The following SYT14 variants were observed in gnomAD, a reference collection of about 807,000 sequenced individuals.
The protein encoded by SYT14 is synaptotagmin-14.
Under a neutral mutation model 74.2 loss-of-function variants are expected in SYT14, and 32 were observed. That is an observed-to-expected ratio of 0.43 (90% CI 0.33 to 0.58). The LOEUF is 0.58. Ranked by LOEUF, SYT14 falls within the 20% of genes least tolerant of loss-of-function variation. The pLI is 0.05. For synonymous variants in SYT14, 298 were observed against 337.7 expected (o/e 0.88, Z 1.29); for missense variants, 791 against 981.8 (o/e 0.81, Z 2.60).
intron 7 of SYT14, among the ~76,000 whole-genome samples, chr1:210,108,598 A>G (rs533026374): frequency 4.6e-5 from 7 of 152,090 alleles, no homozygotes; most frequent in African/African-American, 1.7e-4. Flanking sequence ...AGCCTTGGGC[A>G]TGTTTAAATA....
chr1:209,979,332 C>T (rs531209223), intron 2 of SYT14, among the ~76,000 whole-genome samples: 6 of 152,284 alleles, frequency 3.9e-5, no homozygotes, highest in African/African-American at 1.2e-4. Context: ...TGTTCCTATT[C>T]GGCCATCTTG....
intron 2 of SYT14, among the ~76,000 whole-genome samples, chr1:209,973,756 T>C (rs1412609417): frequency 2.0e-5 from 3 of 152,220 alleles, no homozygotes; most frequent in East Asian, 1.9e-4. Context: ...AAATGGTATT[T>C]CTAGTTCTAG....
intron 6 of SYT14, among the ~76,000 whole-genome samples, chr1:210,098,382 G>T (rs148507230): frequency 6.6e-6 from 1 of 152,232 alleles, no homozygotes; most frequent in Non-Finnish European, 1.5e-5. Flanking sequence ...TAACAACAGT[G>T]CAGGGTGAGC....
At chr1:209,990,548 T>TATATATATATATAC (rs59238920) in intron 2 of SYT14, among the ~76,000 whole-genome samples, 1 of 68,050 alleles carries the variant, frequency 1.5e-5, no homozygotes. Context: ...CGTATATATA[T>TATATATATATATAC]GTATATATAT....
intron 7 of SYT14, among the ~76,000 whole-genome samples, chr1:210,147,924 C>T (rs1032411660): frequency 5.3e-5 from 8 of 152,060 alleles, no homozygotes; most frequent in African/African-American, 1.9e-4. Context: ...AGCAGCCCAT[C>T]CTGAGCCCAG....
chr1:210,010,539 C>A (rs2200971), intron 2 of SYT14, among the ~76,000 whole-genome samples: 1,580 of 152,280 alleles, frequency 0.01, 35 homozygotes, highest in African/African-American at 0.036. Flanking sequence ...AGTGTCATCT[C>A]TTCTAAAGCG....
chr1:209,953,949 T>G (rs935351245), intron 2 of SYT14, among the ~76,000 whole-genome samples: 1 of 152,204 alleles, frequency 6.6e-6, no homozygotes. Context: ...ATAGACAAAT[T>G]TATGCATTGT....
At chr1:210,015,435 A>C (rs2080163395) in intron 3 of SYT14, among the ~76,000 whole-genome samples, 1 of 152,192 alleles carries the variant, frequency 6.6e-6, no homozygotes, top group Non-Finnish European at 1.5e-5. Flanking sequence ...ATTACTGTAA[A>C]ATCAAGTAGG....
intron 2 of SYT14, among the ~76,000 whole-genome samples, chr1:209,992,015 G>C (rs1251072174): frequency 6.6e-6 from 1 of 152,076 alleles, no homozygotes; most frequent in East Asian, 1.9e-4. Context: ...AGGCTCAAGG[G>C]AAAATAAATC....
chr1:210,132,070 A>T (rs539005154), intron 7 of SYT14, among the ~76,000 whole-genome samples: 1 of 152,082 alleles, frequency 6.6e-6, no homozygotes, highest in South Asian at 2.1e-4. Context: ...CACCCCTCTG[A>T]ATGGGTGCCC....
At chr1:210,134,403 T>G (rs2082739233) in intron 7 of SYT14, among the ~76,000 whole-genome samples, 1 of 152,038 alleles carries the variant, frequency 6.6e-6, no homozygotes, top group Non-Finnish European at 1.5e-5. Flanking sequence ...CACCACACCC[T>G]GTTTTGATTA....
chr1:210,021,497 A>G (rs2080302436), intron 5 of SYT14, among the ~76,000 whole-genome samples: 1 of 152,254 alleles, frequency 6.6e-6, no homozygotes, highest in Non-Finnish European at 1.5e-5. Context: ...TGTAGCTCTT[A>G]TTTCACAGTG....
At chr1:210,101,562 C>T (rs1381361482) in intron 7 of SYT14, among the ~76,000 whole-genome samples, 1 of 151,744 alleles carries the variant, frequency 6.6e-6, no homozygotes, top group Non-Finnish European at 1.5e-5. Context: ...TAGGATAAGA[C>T]TTAATCTCTG....
chr1:210,060,922 G>A lies in SYT14; in HGVS notation c.1313-33400G>A, dbSNP rs1185159820. ...CTATAAACTCCTAATTAAATTCAGG[G>A]CTTAATCAATTAAGACATCTTTGAT... is the stretch of plus-strand genomic sequence containing the variant. On this transcript the variant is annotated intron_variant, in intron 5 of 9. Coordinates refer to ENST00000637265, the Ensembl canonical transcript of SYT14. Among the ~76,000 whole-genome samples the A allele has an allele frequency of 2.0e-5, 3 of 152,022 alleles. No individual in the cohort carries two copies. The East Asian group carries it at 5.8e-4, about 29-fold the overall frequency.
At chr1:210,151,928 G>A (rs2083172740) in intron 7 of SYT14, among the ~76,000 whole-genome samples, 1 of 152,130 alleles carries the variant, frequency 6.6e-6, no homozygotes. Context: ...TGACTTCTGT[G>A]TATAAACAAC....
intron 7 of SYT14, among the ~76,000 whole-genome samples, chr1:210,111,739 A>C (rs1405175114): frequency 6.6e-6 from 1 of 151,226 alleles, no homozygotes. Context: ...GAAGACACGA[A>C]GTCCGAATAA....
intron 7 of SYT14, among the ~76,000 whole-genome samples, chr1:210,121,853 TA>T (rs2082474010): frequency 6.6e-6 from 1 of 151,978 alleles, no homozygotes; most frequent in Non-Finnish European, 1.5e-5. Context: ...GACTGAATTA[TA>T]AATATTCTTT....
intron 5 of SYT14, among the ~76,000 whole-genome samples, chr1:210,029,899 T>A (rs1464027728): frequency 1.3e-5 from 2 of 152,208 alleles, no homozygotes; most frequent in Non-Finnish European, 2.9e-5. Context: ...CATTTATTTA[T>A]TTATGTCTTT....
In SYT14 at chr1:210,026,396, T is replaced by G. The variant is rs57533399; in HGVS notation, c.1312+5142T>G. Among the ~76,000 whole-genome samples, 29 of 152,240 alleles carry G rather than the reference T, an allele frequency of 1.9e-4. No homozygotes were observed. In the East Asian group the frequency reaches 5.6e-3, roughly 29 times the overall value. ...GAAGCTTATTAAAGATGATTCTATA[T>G]GAAGATCAAGTTCAGTGTAAAATTA... On this transcript the variant is annotated intron_variant, in intron 5 of 9. Transcript: ENST00000637265.
Sources: gnomAD v4.1 joint callset for allele counts (sites outside exome capture counted in the v4.1 genomes callset) on GRCh38, gnomAD v4.1.1 for gene constraint, MANE v1.5 for transcripts, NCBI Gene and HGNC (gene_info 2026-07-23, HGNC 2026-07-21) for gene names.